EXOC6B: variants seen among roughly 807,000 people sequenced by gnomAD.
The protein encoded by EXOC6B is SEC15 homolog B.
EXOC6B carries 54 observed loss-of-function variants against 113.5 expected under a neutral mutation model. That is an observed-to-expected ratio of 0.48 (90% CI 0.38 to 0.60). The LOEUF (loss-of-function observed/expected upper bound fraction) is 0.60, where lower values mean the gene tolerates loss of function less well. Ranked by LOEUF, EXOC6B falls within the 20% of genes least tolerant of loss-of-function variation. EXOC6B has a pLI of 0.00. For synonymous variants in EXOC6B, 357 were observed against 339.0 expected (o/e 1.05, Z -0.58); for missense variants, 797 against 977.5 (o/e 0.82, Z 2.46).
At chr2:72,235,853 T>G (rs1400902885) in intron 20 of EXOC6B, among the ~76,000 whole-genome samples, 1 of 152,200 alleles carries the variant, frequency 6.6e-6, no homozygotes. Context: ...ACTGCTTTTT[T>G]GGTATTTATA....
chr2:72,182,763 A>T, intron 21 of EXOC6B: 1 of 571,262 alleles, frequency 1.8e-6, no homozygotes, highest in Non-Finnish European at 2.6e-6. Flanking sequence ...AGGCTGGTTT[A>T]GTAGATTAGT....
At chr2:72,776,786 A>C (rs1197139629) in intron 1 of EXOC6B, among the ~76,000 whole-genome samples, 1 of 152,058 alleles carries the variant, frequency 6.6e-6, no homozygotes, top group East Asian at 1.9e-4. Flanking sequence ...AGGAAAGGAG[A>C]GAAAGAGAAA....
intron 19 of EXOC6B, among the ~76,000 whole-genome samples, chr2:72,335,966 T>G (rs1688670515): frequency 6.6e-6 from 1 of 151,938 alleles, no homozygotes; most frequent in African/African-American, 2.4e-5. Flanking sequence ...ATGTCAAATT[T>G]TATTGTCCCT....
At chr2:72,737,945 G>C (rs763881670) in intron 2 of EXOC6B, among the ~76,000 whole-genome samples, 1 of 152,036 alleles carries the variant, frequency 6.6e-6, no homozygotes, top group Non-Finnish European at 1.5e-5. Flanking sequence ...TATATGTTTA[G>C]AACATTTCTA....
intron 6 of EXOC6B, among the ~76,000 whole-genome samples, chr2:72,597,753 C>CCA (rs1002801749): frequency 6.6e-6 from 1 of 151,744 alleles, no homozygotes; most frequent in African/African-American, 2.4e-5. Context: ...GAAACATATA[C>CCA]CACACGAACA....
chr2:72,743,856 A>G (rs1010883203), intron 1 of EXOC6B, among the ~76,000 whole-genome samples: 4 of 152,096 alleles, frequency 2.6e-5, no homozygotes, highest in Non-Finnish European at 5.9e-5. Flanking sequence ...CACACCCCCC[A>G]CAGGAGGTCA....
At chr2:72,806,260 A>T (rs897822471) in intron 1 of EXOC6B, among the ~76,000 whole-genome samples, 5 of 152,170 alleles carry the variant, frequency 3.3e-5, no homozygotes, top group African/African-American at 1.2e-4. Flanking sequence ...GCTTCCACTT[A>T]TAAGTGAGAA....
At chr2:72,610,625 C>T (rs556397971) in intron 6 of EXOC6B, among the ~76,000 whole-genome samples, 3 of 152,102 alleles carry the variant, frequency 2.0e-5, no homozygotes, top group African/African-American at 4.8e-5. Context: ...TGGGTCCATA[C>T]TGATATAAAC....
intron 1 of EXOC6B, among the ~76,000 whole-genome samples, chr2:72,743,145 A>T (rs772010463): frequency 2.0e-5 from 3 of 152,058 alleles, no homozygotes; most frequent in Non-Finnish European, 4.4e-5. Context: ...CCTCCGAAAC[A>T]TGTCTTAACA....
intron 20 of EXOC6B, among the ~76,000 whole-genome samples, chr2:72,309,717 A>C (rs963369662): frequency 1.3e-5 from 2 of 150,700 alleles, no homozygotes; most frequent in African/African-American, 4.8e-5. Context: ...CACTAAGTAC[A>C]TTCATAATGT....
Position 72,468,797 on chromosome 2 carries a change from T to C in EXOC6B, c.1801-3458A>G, listed in dbSNP as rs76277043. ...CTAGGATATCTTTTTATTTCTTCAA[T>C]TTTTTCTTCAATGTTTTGTAGTTTT... On this transcript the variant is annotated intron_variant, in intron 17 of 21. Coordinates refer to ENST00000272427, the MANE Select transcript of EXOC6B (RefSeq NM_015189.3). Among the ~76,000 whole-genome samples the C allele has an allele frequency of 4.4e-4, 67 of 152,350 alleles. No homozygotes were observed. In the East Asian group the frequency reaches 0.011, roughly 25 times the overall value.
chr2:72,368,001 A>T (rs991734149), intron 19 of EXOC6B, among the ~76,000 whole-genome samples: 1 of 152,084 alleles, frequency 6.6e-6, no homozygotes, highest in Non-Finnish European at 1.5e-5. Context: ...GGCAACTCTT[A>T]GTGTTGGGCT....
At chr2:72,421,537 T>C (rs888032838) in intron 18 of EXOC6B, among the ~76,000 whole-genome samples, 1 of 152,220 alleles carries the variant, frequency 6.6e-6, no homozygotes, top group African/African-American at 2.4e-5. Flanking sequence ...TTTACAAATA[T>C]CTTGTCACAT....
intron 8 of EXOC6B, among the ~76,000 whole-genome samples, chr2:72,550,925 T>A (rs568388022): frequency 6.4e-4 from 96 of 150,218 alleles, no homozygotes; most frequent in East Asian, 2.3e-3. Context: ...TTTTATTTTT[T>A]TTTTTTTTTT....
intron 18 of EXOC6B, among the ~76,000 whole-genome samples, chr2:72,405,046 A>T (rs1693628177): frequency 1.3e-5 from 2 of 152,236 alleles, no homozygotes; most frequent in Non-Finnish European, 2.9e-5. Flanking sequence ...TGGCACAAGA[A>T]CTACGTGACA....
At chr2:72,387,758 AT>A (rs972217455) in intron 18 of EXOC6B, among the ~76,000 whole-genome samples, 12 of 151,716 alleles carry the variant, frequency 7.9e-5, no homozygotes, top group Admixed American at 2.6e-4. Context: ...TAACCAATGT[AT>A]TTTTTTTAAA....
Position 72,770,565 on chromosome 2 carries a change from C to T in EXOC6B, c.114-29096G>A, listed in dbSNP as rs181535525. Among the ~76,000 whole-genome samples the T allele has an allele frequency of 3.5e-4, 54 of 152,250 alleles. No homozygotes were observed. In the East Asian group the frequency reaches 0.01, roughly 29 times the overall value. On this transcript the variant is annotated intron_variant, in intron 1 of 21. Transcript: ENST00000272427. Reference sequence around the variant, plus strand: ...TATAAAGATTATTAATATATTAAGTCAATTCACATCAGGTTTTCTTGCCAA... The same window carrying T: ...TATAAAGATTATTAATATATTAAGTTAATTCACATCAGGTTTTCTTGCCAA...
At chr2:72,814,172 T>A (rs1418478489) in intron 1 of EXOC6B, among the ~76,000 whole-genome samples, 3 of 152,198 alleles carry the variant, frequency 2.0e-5, no homozygotes, top group Non-Finnish European at 4.4e-5. Context: ...AGCTTTTTAA[T>A]CAAAAACTAT....
intron 6 of EXOC6B, among the ~76,000 whole-genome samples, chr2:72,616,410 G>A (rs1057039601): frequency 2.0e-5 from 3 of 152,102 alleles, no homozygotes; most frequent in Non-Finnish European, 4.4e-5. Context: ...AAGTGAGCAG[G>A]GTATGTGCAT....
Sources: allele counts gnomAD v4.1 joint callset (sites outside exome capture counted in the v4.1 genomes callset), GRCh38; gene constraint gnomAD v4.1.1; transcripts MANE v1.5; gene names NCBI Gene and HGNC (gene_info 2026-07-23, HGNC 2026-07-21).